Variants in SNTG1 observed in about 807,000 individuals in gnomAD.
The protein encoded by SNTG1 is syntrophin gamma 1.
A neutral mutation model predicts 74.7 loss-of-function variants in SNTG1; 39 were observed. That is an observed-to-expected ratio of 0.52 (90% CI 0.40 to 0.68). The LOEUF (loss-of-function observed/expected upper bound fraction) is 0.68, where lower values mean the gene tolerates loss of function less well. Ranked by LOEUF, SNTG1 falls within the 30% of genes least tolerant of loss-of-function variation. SNTG1 has a pLI of 0.00. For missense variants in SNTG1, 685 were observed against 609.5 expected (o/e 1.12, Z -1.30); for synonymous variants, 254 against 217.1 (o/e 1.17, Z -1.49).
chr8:50,365,765 T>C (rs1483801057), intron 2 of SNTG1, among the ~76,000 whole-genome samples: 3 of 152,180 alleles, frequency 2.0e-5, no homozygotes. Flanking sequence ...TTAAGAACTC[T>C]TATAACCACA....
chr8:50,431,481 T>C (rs564269248), intron 4 of SNTG1, among the ~76,000 whole-genome samples: 17 of 152,338 alleles, frequency 1.1e-4, no homozygotes, highest in African/African-American at 3.1e-4. Context: ...TACTTATTGG[T>C]GATAATGGAT....
intron 1 of SNTG1, among the ~76,000 whole-genome samples, chr8:50,162,068 G>C (rs1182222283): frequency 6.6e-6 from 1 of 152,158 alleles, no homozygotes; most frequent in Non-Finnish European, 1.5e-5. Flanking sequence ...TGGTTGAATT[G>C]AATTGTACAG....
chr8:50,331,041 A>G (rs923087660), intron 2 of SNTG1, among the ~76,000 whole-genome samples: 1 of 152,140 alleles, frequency 6.6e-6, no homozygotes, highest in Admixed American at 6.5e-5. Flanking sequence ...TTTTCTAGCT[A>G]TTTTCCAAAA....
At chr8:50,624,288 G>C (rs531474484) in intron 13 of SNTG1, among the ~76,000 whole-genome samples, 1 of 151,266 alleles carries the variant, frequency 6.6e-6, no homozygotes, top group East Asian at 1.9e-4. Flanking sequence ...CCTTTGGTGA[G>C]ATAATTTAGC....
At chr8:50,113,443 G>A (rs1271840546) in intron 1 of SNTG1, among the ~76,000 whole-genome samples, 2 of 152,160 alleles carry the variant, frequency 1.3e-5, no homozygotes, top group African/African-American at 4.8e-5. Flanking sequence ...TGTATCCTGA[G>A]ACTTTGCTGA....
At chr8:50,741,210 C>T (rs1052782976) in intron 17 of SNTG1, among the ~76,000 whole-genome samples, 3 of 152,008 alleles carry the variant, frequency 2.0e-5, no homozygotes, top group Non-Finnish European at 1.5e-5. Context: ...TCGCAACACT[C>T]ACCTCCTGGG....
intron 8 of SNTG1, among the ~76,000 whole-genome samples, chr8:50,497,458 A>G (rs1017771539): frequency 5.3e-5 from 8 of 152,062 alleles, no homozygotes; most frequent in African/African-American, 1.9e-4. Flanking sequence ...TTAATTTATC[A>G]GAAATTCCCA....
intron 15 of SNTG1, among the ~76,000 whole-genome samples, chr8:50,667,040 T>G (rs754054100): frequency 4.6e-5 from 7 of 151,884 alleles, no homozygotes; most frequent in Non-Finnish European, 1.0e-4. Context: ...TCTTATAATA[T>G]GGTTTAAAAT....
chr8:50,635,411 G>A (rs2095032472), intron 13 of SNTG1, among the ~76,000 whole-genome samples: 1 of 152,174 alleles, frequency 6.6e-6, no homozygotes, highest in Admixed American at 6.5e-5. Flanking sequence ...CTGGTTTAGA[G>A]ATGATTTCCA....
At chr8:50,718,620 C>T (rs894708184) in intron 17 of SNTG1, among the ~76,000 whole-genome samples, 2 of 152,220 alleles carry the variant, frequency 1.3e-5, no homozygotes, top group African/African-American at 4.8e-5. Flanking sequence ...CCCTAATGCG[C>T]AATTCTATTT....
At chr8:50,340,957 T>A (rs2091298309) in intron 2 of SNTG1, among the ~76,000 whole-genome samples, 2 of 151,886 alleles carry the variant, frequency 1.3e-5, no homozygotes, top group Non-Finnish European at 2.9e-5. Context: ...CACAAAAAAA[T>A]TTTACTTTTC....
intron 1 of SNTG1, among the ~76,000 whole-genome samples, chr8:49,919,112 GTCTCTTT>G (rs1361009776): frequency 6.6e-6 from 1 of 151,986 alleles, no homozygotes; most frequent in Non-Finnish European, 1.5e-5. Context: ...GTTTCTGTCT[GTCTCTTT>G]TCTCCCCCTC....
intron 1 of SNTG1, among the ~76,000 whole-genome samples, chr8:49,973,330 A>G (rs1411655511): frequency 1.3e-5 from 2 of 148,306 alleles, no homozygotes; most frequent in East Asian, 4.2e-4. Flanking sequence ...ACATGGAGAC[A>G]GGAAGGGGAA....
In SNTG1 at chr8:50,022,912, A is replaced by G. The variant is rs74629263; in HGVS notation, c.-103+110681A>G. 2.2e-4 allele frequency among the ~76,000 whole-genome samples: 33 copies of G among 152,308 alleles called. No individual in the cohort carries two copies. The East Asian group carries it at 6.0e-3, about 28-fold the overall frequency. The stretch of plus-strand genomic sequence containing the variant: ...GTTCTCCATGTTAGGAGAGTGTTTC[A>G]AAATTATCCTAATAGGAGTTAAATA... On this transcript the variant is annotated intron_variant, in intron 1 of 18. Transcript: ENST00000642720.
At chr8:50,522,299 G>A (rs986229209) in intron 9 of SNTG1, among the ~76,000 whole-genome samples, 1 of 152,092 alleles carries the variant, frequency 6.6e-6, no homozygotes, top group African/African-American at 2.4e-5. Flanking sequence ...GTGTTTTGAT[G>A]TGTGTTTCAG....
intron 12 of SNTG1, among the ~76,000 whole-genome samples, chr8:50,560,398 A>G (rs1263577169): frequency 1.3e-5 from 2 of 152,226 alleles, no homozygotes; most frequent in East Asian, 1.9e-4. Flanking sequence ...AAATCATTCT[A>G]TTATAAAGAC....
chr8:50,332,102 T>C (rs2090988098), intron 2 of SNTG1, among the ~76,000 whole-genome samples: 1 of 152,238 alleles, frequency 6.6e-6, no homozygotes, highest in African/African-American at 2.4e-5. Context: ...ATGCATGTTC[T>C]TGACTATTGA....
At chr8:50,728,074 G>A (rs2095504387) in intron 17 of SNTG1, among the ~76,000 whole-genome samples, 1 of 152,132 alleles carries the variant, frequency 6.6e-6, no homozygotes, top group Non-Finnish European at 1.5e-5. Context: ...TGGGAAAGGT[G>A]ATAGCTGCAA....
At chr8:49,975,787 G>T (rs1270067795) in intron 1 of SNTG1, among the ~76,000 whole-genome samples, 1 of 151,760 alleles carries the variant, frequency 6.6e-6, no homozygotes, top group African/African-American at 2.4e-5. Context: ...GTGTGTGTGT[G>T]TGTGTAAAGG....
Sources: gnomAD v4.1 joint callset for allele counts (sites outside exome capture counted in the v4.1 genomes callset) on GRCh38, gnomAD v4.1.1 for gene constraint, MANE v1.5 for transcripts, NCBI Gene and HGNC (gene_info 2026-07-23, HGNC 2026-07-21) for gene names.